Variants in ABTB3 observed in about 807,000 individuals in gnomAD.
ABTB3 encodes the protein ankyrin repeat and BTB domain containing 3, also known as ankyrin repeat- and BTB/POZ domain-containing protein 3.
chr12:107,597,170 A>G, the ABTB3 span, among the ~76,000 whole-genome samples: 1 of 152,202 alleles, frequency 6.6e-6, no homozygotes, highest in Non-Finnish European at 1.5e-5. Context: ...TAACATTCTT[A>G]TCTTGAGCTC....
the ABTB3 span, among the ~76,000 whole-genome samples, chr12:107,374,453 A>G: frequency 6.6e-6 from 1 of 152,090 alleles, no homozygotes; most frequent in Non-Finnish European, 1.5e-5. Context: ...CACCAAGTTC[A>G]AAGTTGGCTT....
the ABTB3 span, among the ~76,000 whole-genome samples, chr12:107,392,193 C>G: frequency 6.6e-6 from 1 of 152,230 alleles, no homozygotes; most frequent in African/African-American, 2.4e-5. Flanking sequence ...TCCCTGCCTT[C>G]CTGGGTGTTG....
chr12:107,636,993 C>T, the ABTB3 span, among the ~76,000 whole-genome samples: 8 of 152,188 alleles, frequency 5.3e-5, no homozygotes, highest in African/African-American at 1.9e-4. Flanking sequence ...TGGTTTGGGG[C>T]CAGACGTGGT....
the ABTB3 span, among the ~76,000 whole-genome samples, chr12:107,333,514 G>A: frequency 3.3e-5 from 5 of 151,340 alleles, no homozygotes; most frequent in African/African-American, 1.2e-4. Context: ...TCAGGCAAGT[G>A]ACTTAACCTC....
the ABTB3 span, among the ~76,000 whole-genome samples, chr12:107,474,762 GTTCTT>G: frequency 3.3e-5 from 5 of 152,006 alleles, no homozygotes; most frequent in African/African-American, 1.2e-4. Context: ...ACAGTGCTTG[GTTCTT>G]AAGGCAGCAG....
chr12:107,640,404 C>A, the ABTB3 span: 1 of 1,576,478 alleles, frequency 6.3e-7, no homozygotes, highest in South Asian at 1.2e-5. Context: ...TTATTTACAG[C>A]CTCTCCAAGG....
the ABTB3 span, chr12:107,319,927 C>A: frequency 4.7e-6 from 7 of 1,493,028 alleles, no homozygotes; most frequent in Non-Finnish European, 6.3e-6. Context: ...CGGCAGCCGC[C>A]GCCAACCACC....
At chr12:107,473,502 T>C in the ABTB3 span, among the ~76,000 whole-genome samples, 10 of 152,128 alleles carry the variant, frequency 6.6e-5, no homozygotes, top group Non-Finnish European at 1.5e-4. Flanking sequence ...TACAGGCACC[T>C]GCCACCTTGC....
the ABTB3 span, among the ~76,000 whole-genome samples, chr12:107,482,956 CTTT>C: frequency 4.5e-4 from 24 of 53,238 alleles, no homozygotes; most frequent in African/African-American, 1.9e-3. Flanking sequence ...TTCTTTCTTT[CTTT>C]CTTTCTTTCT....
At chr12:107,536,154 C>T in the ABTB3 span, among the ~76,000 whole-genome samples, 10 of 152,082 alleles carry the variant, frequency 6.6e-5, no homozygotes, top group Non-Finnish European at 1.3e-4. Context: ...ACACTCTTTT[C>T]AATAAGTGGT....
chr12:107,455,690 A>G, the ABTB3 span, among the ~76,000 whole-genome samples: 1 of 152,144 alleles, frequency 6.6e-6, no homozygotes, highest in South Asian at 2.1e-4. Flanking sequence ...GGGCTTTTGC[A>G]TGTATCTTCT....
chr12:107,328,990 C>A, the ABTB3 span, among the ~76,000 whole-genome samples: 1 of 152,118 alleles, frequency 6.6e-6, no homozygotes, highest in Non-Finnish European at 1.5e-5. Context: ...AGTCACTTCC[C>A]AGCTGTCCAT....
chr12:107,361,840 G>A, the ABTB3 span, among the ~76,000 whole-genome samples: 32 of 152,158 alleles, frequency 2.1e-4, no homozygotes, highest in African/African-American at 7.5e-4. Context: ...TCCTCCATGT[G>A]AGAGTATTAG....
chr12:107,571,957 A>T, the ABTB3 span, among the ~76,000 whole-genome samples: 412 of 152,362 alleles, frequency 2.7e-3, 8 homozygotes, highest in East Asian at 0.042. Flanking sequence ...ACAGAGAATA[A>T]GAGATAAGAT....
At chr12:107,386,122 C>T in the ABTB3 span, among the ~76,000 whole-genome samples, 3 of 152,218 alleles carry the variant, frequency 2.0e-5, no homozygotes, top group Admixed American at 6.5e-5. Flanking sequence ...AGGGCCTTTG[C>T]CCTGGCACTT....
chr12:107,508,113 A>T, the ABTB3 span, among the ~76,000 whole-genome samples: 1 of 146,618 alleles, frequency 6.8e-6, no homozygotes, highest in African/African-American at 2.6e-5. Context: ...GATGGATGGA[A>T]GAGTAGATGT....
chr12:107,361,740 A>G, the ABTB3 span, among the ~76,000 whole-genome samples: 14 of 152,272 alleles, frequency 9.2e-5, no homozygotes, highest in Admixed American at 7.2e-4. Flanking sequence ...TGCTGCTTGT[A>G]TTACTAATAC....
the ABTB3 span, among the ~76,000 whole-genome samples, chr12:107,655,069 C>G: frequency 6.6e-6 from 1 of 152,066 alleles, no homozygotes; most frequent in Non-Finnish European, 1.5e-5. Context: ...TCCACAGTGG[C>G]TTTTCTGTGG....
chr12:107,550,228 C>G, the ABTB3 span, among the ~76,000 whole-genome samples: 1 of 152,160 alleles, frequency 6.6e-6, no homozygotes, highest in Admixed American at 6.5e-5. Context: ...AGAGATCTCA[C>G]AGCCACTAGT....
Sources: allele counts gnomAD v4.1 joint callset (sites outside exome capture counted in the v4.1 genomes callset), GRCh38; gene constraint gnomAD v4.1.1; transcripts MANE v1.5; gene names NCBI Gene and HGNC (gene_info 2026-07-23, HGNC 2026-07-21).